PRKG1: variants seen among roughly 807,000 people sequenced by gnomAD.
The protein encoded by PRKG1 is protein kinase cGMP-dependent 1, also known as cGMP-dependent protein kinase 1.
A neutral mutation model predicts 88.1 loss-of-function variants in PRKG1; 35 were observed. The observed-to-expected ratio is 0.40, with a 90% CI of 0.30 to 0.53. The LOEUF (loss-of-function observed/expected upper bound fraction) is 0.53. Among genes scored for constraint, PRKG1 ranks in the 20% least tolerant of loss-of-function variants. The probability of loss-of-function intolerance (pLI) is 0.59; values close to 1 mark genes in which losing one functional copy is unlikely to be tolerated. For synonymous variants in PRKG1, 303 were observed against 292.5 expected (o/e 1.04, Z -0.37); for missense variants, 540 against 839.8 (o/e 0.64, Z 4.41).
chr10:51,825,335 C>T (rs1369678433), intron 4 of PRKG1, among the ~76,000 whole-genome samples: 1 of 152,104 alleles, frequency 6.6e-6, no homozygotes, highest in East Asian at 1.9e-4. Context: ...AGCTCTTTCC[C>T]CTTTCTCCTG....
intron 4 of PRKG1, among the ~76,000 whole-genome samples, chr10:51,826,749 G>C (rs1839890747): frequency 2.0e-5 from 3 of 152,152 alleles, no homozygotes; most frequent in Non-Finnish European, 4.4e-5. Context: ...GAGAAAGGAG[G>C]AGGGCTCTTC....
chr10:51,227,990 T>C (rs1239714544), intron 2 of PRKG1, among the ~76,000 whole-genome samples: 1 of 151,902 alleles, frequency 6.6e-6, no homozygotes, highest in Non-Finnish European at 1.5e-5. Context: ...AGTTGCTGGA[T>C]CATTTTCTTT....
intron 2 of PRKG1, among the ~76,000 whole-genome samples, chr10:51,252,521 T>A (rs1158401102): frequency 6.6e-6 from 1 of 151,744 alleles, no homozygotes; most frequent in Non-Finnish European, 1.5e-5. Flanking sequence ...GCACTGATGG[T>A]AATGCAAAAC....
intron 9 of PRKG1, among the ~76,000 whole-genome samples, chr10:52,188,252 G>A (rs12777131): frequency 5.1e-4 from 1 of 1,976 alleles, no homozygotes; most frequent in Non-Finnish European, 2.7e-3. Flanking sequence ...ATATATATGT[G>A]TATATATATA....
At chr10:51,074,481 T>G, upstream of PRKG1, 1 of 1,479,324 alleles carries the variant, frequency 6.8e-7, no homozygotes, top group African/African-American at 1.4e-5. Flanking sequence ...AGTAGGAAGC[T>G]TTGGCACTCG....
intron 5 of PRKG1, among the ~76,000 whole-genome samples, chr10:52,007,217 G>A (rs182907814): frequency 1.2e-4 from 19 of 152,230 alleles, no homozygotes; most frequent in African/African-American, 4.6e-4. Flanking sequence ...ACAAAAAAGA[G>A]TCTGTATTTA....
chr10:52,002,835 T>G (rs1415087861), intron 5 of PRKG1, among the ~76,000 whole-genome samples: 2 of 152,176 alleles, frequency 1.3e-5, no homozygotes, highest in Admixed American at 1.3e-4. Flanking sequence ...ACATATATGG[T>G]TACAGTTGGA....
chr10:51,509,621 C>T (rs1206756028), intron 3 of PRKG1, among the ~76,000 whole-genome samples: 1 of 152,126 alleles, frequency 6.6e-6, no homozygotes, highest in Non-Finnish European at 1.5e-5. Context: ...AGCAATCCTC[C>T]TGCCTCAGCC....
intron 9 of PRKG1, among the ~76,000 whole-genome samples, chr10:52,169,055 G>A (rs1838581464): frequency 6.6e-6 from 1 of 152,182 alleles, no homozygotes; most frequent in Non-Finnish European, 1.5e-5. Context: ...AAATTAGAGA[G>A]TGAGAGGAGC....
At chr10:51,412,207 G>GAGAGAGAGAA (rs1838110196) in intron 2 of PRKG1, among the ~76,000 whole-genome samples, 1 of 127,112 alleles carries the variant, frequency 7.9e-6, no homozygotes, top group Non-Finnish European at 1.6e-5. Flanking sequence ...GAGAGAGAGA[G>GAGAGAGAGAA]AGAGAGAAAG....
chr10:51,784,321 G>A (rs1053891412), intron 3 of PRKG1, among the ~76,000 whole-genome samples: 2 of 152,162 alleles, frequency 1.3e-5, no homozygotes, highest in East Asian at 3.9e-4. Context: ...CCCATGGAAT[G>A]CCTTTTTCCT....
At chr10:51,148,526 T>A (rs1845992934) in intron 1 of PRKG1, among the ~76,000 whole-genome samples, 1 of 152,158 alleles carries the variant, frequency 6.6e-6, no homozygotes. Context: ...AAGGCTGTTC[T>A]TGGCATGTTT....
At chr10:52,189,334 G>A (rs1486469600) in intron 9 of PRKG1, among the ~76,000 whole-genome samples, 2 of 152,252 alleles carry the variant, frequency 1.3e-5, no homozygotes, top group Admixed American at 1.3e-4. Context: ...GAACTGAGGA[G>A]GCTGATAAGG....
intron 1 of PRKG1, among the ~76,000 whole-genome samples, chr10:51,054,021 G>A (rs1843598704): frequency 6.6e-6 from 1 of 152,086 alleles, no homozygotes; most frequent in Non-Finnish European, 1.5e-5. Flanking sequence ...AAGACTATAT[G>A]TGAAACCAGC....
chr10:52,156,548 G>A (rs1722615614), intron 8 of PRKG1, among the ~76,000 whole-genome samples: 1 of 151,786 alleles, frequency 6.6e-6, no homozygotes, highest in Admixed American at 6.6e-5. Context: ...TAAATGGATG[G>A]ATAACTGGGA....
chr10:51,919,396 T>C (rs1027430492), intron 5 of PRKG1, among the ~76,000 whole-genome samples: 11 of 152,150 alleles, frequency 7.2e-5, no homozygotes, highest in Admixed American at 4.6e-4. Flanking sequence ...ATTATGAGAT[T>C]CTGTAAGTGA....
chr10:52,047,356 G>A (rs934511253), intron 5 of PRKG1, among the ~76,000 whole-genome samples: 4 of 152,098 alleles, frequency 2.6e-5, no homozygotes, highest in African/African-American at 9.7e-5. Context: ...CAACTTTTGT[G>A]CACTGAAAAA....
intron 3 of PRKG1, among the ~76,000 whole-genome samples, chr10:51,629,615 G>A (rs1161695623): frequency 6.6e-6 from 1 of 152,048 alleles, no homozygotes; most frequent in Non-Finnish European, 1.5e-5. Flanking sequence ...GCAAACTCAG[G>A]ATATTCCATC....
intron 1 of PRKG1, among the ~76,000 whole-genome samples, chr10:51,011,223 C>A (rs997889297): frequency 6.6e-6 from 1 of 151,644 alleles, no homozygotes; most frequent in African/African-American, 2.4e-5. Context: ...GGGGAGGGGG[C>A]GGTGTTGAGG....
Sources: gnomAD v4.1 joint callset for allele counts (sites outside exome capture counted in the v4.1 genomes callset) on GRCh38, gnomAD v4.1.1 for gene constraint, MANE v1.5 for transcripts, NCBI Gene and HGNC (gene_info 2026-07-23, HGNC 2026-07-21) for gene names.